The following CRMP1 variants were observed in gnomAD, a reference collection of about 807,000 sequenced individuals.
The protein encoded by CRMP1 is collapsin response mediator protein 1.
In CRMP1, 19 loss-of-function variants were observed where a neutral mutation model predicts 68.3. That is an observed-to-expected ratio of 0.28 (90% confidence interval 0.19 to 0.41). CRMP1 has a LOEUF of 0.41. Ranked by LOEUF, CRMP1 falls within the 10% of genes least tolerant of loss-of-function variation. The pLI is 1.00. For missense variants in CRMP1, 791 were observed against 967.4 expected (o/e 0.82, Z 2.42); for synonymous variants, 439 against 399.6 (o/e 1.10, Z -1.18).
intron 2 of CRMP1, among the ~76,000 whole-genome samples, chr4:5,862,724 G>A (rs1257462703): frequency 2.0e-5 from 3 of 152,234 alleles, no homozygotes; most frequent in Admixed American, 6.5e-5. Context: ...CTACACGTGA[G>A]TGTCAGCGGA....
Position 5,889,670 on chromosome 4 carries a change from C to T in CRMP1, c.381+2919G>A. 6.5e-7 allele frequency: 1 copy of T among 1,536,164 alleles called. No individual in the cohort carries two copies. The highest frequency in any genetic ancestry group is 2.0e-5 in the Admixed American group (1 of 51,014). ...TCATTTTCTGCATGCGAAATCCAAC[C>T]CCACAGGTCCTATGAAACTACTCAT... On this transcript the variant is annotated intron_variant, in intron 1 of 13. Coordinates refer to ENST00000324989, the MANE Select transcript of CRMP1 (RefSeq NM_001014809.3). The surrounding 1 kb of genome is among the most constrained non-coding windows in gnomAD (Gnocchi z 4.5).
At chr4:5,824,990 T>G in intron 13 of CRMP1, 1 of 985,434 alleles carries the variant, frequency 1.0e-6, no homozygotes, top group Non-Finnish European at 1.2e-6. Flanking sequence ...TTCTTGGGGC[T>G]TCCGTTTCCT....
rs1449314259 is a variant in CRMP1, at chr4:5,891,411, G to A, written c.381+1178C>T. ...TCTGCTTCCCTCCAGGCTCACTTTGGGTCACTCATAGCATTTAAGAGGGGA... is the reference window on the plus strand; with the variant it reads ...TCTGCTTCCCTCCAGGCTCACTTTGAGTCACTCATAGCATTTAAGAGGGGA... On this transcript the variant is annotated intron_variant, in intron 1 of 13. Coordinates refer to ENST00000324989, the MANE Select transcript of CRMP1 (RefSeq NM_001014809.3). The surrounding 1 kb of genome is among the most constrained non-coding windows in gnomAD (Gnocchi z 5.2). Among the ~76,000 whole-genome samples the A allele has an allele frequency of 6.6e-6, 1 of 152,084 alleles. No individual in the cohort carries two copies. Among genetic ancestry groups the A allele is most frequent in the Non-Finnish European group, 1.5e-5 (1 of 68,036 alleles).
In CRMP1 at chr4:5,860,876, A is replaced by G. The variant is rs1196324566; in HGVS notation, c.655+150T>C. 2.7e-6 allele frequency: 2 copies of G among 747,438 alleles called. No individual in the cohort carries two copies. The highest frequency in any genetic ancestry group is 1.8e-5 in the African/African-American group (1 of 56,428). 46.3% of individuals were successfully genotyped at this position (747,438 alleles called of 1,614,324 possible). A position where few individuals can be genotyped will look rare whatever the true frequency, so the allele number is the denominator to read the frequency against. On this transcript the variant is annotated intron_variant, in intron 3 of 13. Coordinates refer to ENST00000324989, the MANE Select transcript of CRMP1 (RefSeq NM_001014809.3). This position sits in a 1 kb window ranked among gnomAD's most constrained non-coding sequence, Gnocchi z 4.2. ...TGGCACACACGGTATGCTCTGTAAA[A>G]CAGTGACCTGTGTCATAGGGCTGGG...
chr4:5,888,628 CCCCGCCCCCCA>C lies in CRMP1; in HGVS notation c.381+3950_381+3960del. The C allele has an allele frequency of 1.3e-6, 1 of 744,014 alleles. No individual in the cohort carries two copies. The highest frequency in any genetic ancestry group is 6.2e-5 in the South Asian group (1 of 16,254). 46.1% of individuals were successfully genotyped at this position (744,014 alleles called of 1,614,324 possible). A position where few individuals can be genotyped will look rare whatever the true frequency, so the allele number is the denominator to read the frequency against. ...TTCCCTTCCGATCTCCCACCCCGCC[CCCCGCCCCCCA>C]CCCGCCCAGCCCCGCCGACCCCCGC... is the stretch of plus-strand genomic sequence containing the variant. On this transcript the variant is annotated intron_variant, in intron 1 of 13. Coordinates refer to ENST00000324989, the MANE Select transcript of CRMP1 (RefSeq NM_001014809.3). This position sits in a 1 kb window ranked among gnomAD's most constrained non-coding sequence, Gnocchi z 6.4.
In CRMP1 at chr4:5,872,778, C is replaced by T. The variant is rs944142038; in HGVS notation, c.382-6022G>A. Reference sequence around the variant, plus strand: ...TAACAGCTGAATTGATTAGCTAGGGCATGTCAGAGATACAGTTCGTTCCAC... The same window carrying T: ...TAACAGCTGAATTGATTAGCTAGGGTATGTCAGAGATACAGTTCGTTCCAC... On this transcript the variant is annotated intron_variant, in intron 1 of 13. Transcript: ENST00000324989. This position sits in a 1 kb window ranked among gnomAD's most constrained non-coding sequence, Gnocchi z 4.6. 6.6e-6 allele frequency among the ~76,000 whole-genome samples: 1 copy of T among 152,224 alleles called. No individual in the cohort carries two copies. The highest frequency in any genetic ancestry group is 2.4e-5 in the African/African-American group (1 of 41,452).
Position 5,855,347 on chromosome 4 carries a change from AC to A in CRMP1, c.820+795del. Among the ~76,000 whole-genome samples, 1 of 152,338 alleles carries A rather than the reference AC, an allele frequency of 6.6e-6. No individual in the cohort carries two copies. The highest frequency in any genetic ancestry group is 2.1e-4 in the South Asian group (1 of 4,826). ...AACACACCCTCGCTCTCCTTGAAGC[AC>A]CACCATTTGAGGCTGCCTCCTCAGA... is the stretch of plus-strand genomic sequence containing the variant. On this transcript the variant is annotated intron_variant, in intron 4 of 13. Coordinates refer to ENST00000324989, the MANE Select transcript of CRMP1 (RefSeq NM_001014809.3). This position sits in a 1 kb window ranked among gnomAD's most constrained non-coding sequence, Gnocchi z 4.9.
Position 5,860,947 on chromosome 4 carries a change from C to T in CRMP1, c.655+79G>A. ...CACCCTGGGCAGAGAGCCTCGAACA[C>T]ACTGAGCACTTGTGATGCTGGTGAT... On this transcript the variant is annotated intron_variant, in intron 3 of 13. Transcript: ENST00000324989. The surrounding 1 kb of genome is among the most constrained non-coding windows in gnomAD (Gnocchi z 4.2). 1 of 1,452,864 alleles carries T rather than the reference C, an allele frequency of 6.9e-7. No homozygotes were observed. The highest frequency in any genetic ancestry group is 1.4e-5 in the African/African-American group (1 of 71,844). The allele number at this position is 1,452,864 out of a possible 1,614,324, so 90.0% of individuals were successfully genotyped here.
At chr4:5,882,696 TAGTC>T (rs1317559135) in intron 1 of CRMP1, among the ~76,000 whole-genome samples, 1 of 152,240 alleles carries the variant, frequency 6.6e-6, no homozygotes, top group African/African-American at 2.4e-5. Flanking sequence ...CAAAGCCAGA[TAGTC>T]TGAGTTCAGA....
At chr4:5,875,976 C>T (rs1159275647) in intron 1 of CRMP1, among the ~76,000 whole-genome samples, 1 of 151,968 alleles carries the variant, frequency 6.6e-6, no homozygotes, top group Non-Finnish European at 1.5e-5. Flanking sequence ...CACAGTGAAA[C>T]CCCGTCTCTA....
At position 5,841,199 on chromosome 4, in the gene CRMP1, T is replaced by TC. The variant is rs1711697316; in HGVS notation, c.1153+108dup. ...GTCAGGAGCATCCCCGCTCCACCCC[T>TC]CCCTCCTCCGGCTGCCTGTCTGAGT... is the stretch of plus-strand genomic sequence containing the variant. On this transcript the variant is annotated intron_variant, in intron 8 of 13. Coordinates refer to ENST00000324989, the MANE Select transcript of CRMP1 (RefSeq NM_001014809.3). The surrounding 1 kb of genome is among the most constrained non-coding windows in gnomAD (Gnocchi z 6.9). 9 of 1,560,028 alleles carry TC rather than the reference T, an allele frequency of 5.8e-6. No homozygotes were observed. The Admixed American group carries it at 1.5e-4, about 26-fold the overall frequency.
At chr4:5,824,034 G>A (rs1457351099) in intron 13 of CRMP1, among the ~76,000 whole-genome samples, 3 of 152,220 alleles carry the variant, frequency 2.0e-5, no homozygotes, top group Admixed American at 2.0e-4. Flanking sequence ...AGGACTAAGA[G>A]TGAAACTGAG....
chr4:5,829,273 C>CAACT (rs1432363308), intron 11 of CRMP1, among the ~76,000 whole-genome samples: 2 of 152,086 alleles, frequency 1.3e-5, no homozygotes, highest in African/African-American at 4.8e-5. Flanking sequence ...CCTGTACCCC[C>CAACT]AACTACTCGG....
rs550836464 is a variant in CRMP1 at position 5,891,302 on chromosome 4, C to A, written c.381+1287G>T. ...ACAGCCCGCCCGCGAAGGGATGGGG[C>A]CCGAAGAGGCCCACCACCGTGTTTA... On this transcript the variant is annotated intron_variant, in intron 1 of 13. Transcript: ENST00000324989. The surrounding 1 kb of genome is among the most constrained non-coding windows in gnomAD (Gnocchi z 5.2). Among the ~76,000 whole-genome samples, 6 of 151,966 alleles carry A rather than the reference C, an allele frequency of 3.9e-5. No individual in the cohort carries two copies. The East Asian group carries it at 9.8e-4, about 25-fold the overall frequency.
chr4:5,892,626 G>T lies in CRMP1; in HGVS notation c.344C>A (p.Ala115Glu). The change falls in exon 1 of 14, where the codon GCG (alanine) becomes GAG (glutamate). Residue 115 changes from alanine (A) to glutamate (E), a missense_variant. Ala to Glu is a moderately radical substitution (Grantham distance 107). Transcript: ENST00000324989. This position sits in a 1 kb window ranked among gnomAD's most constrained non-coding sequence, Gnocchi z 8.6. Reference protein sequence around the residue: ...RPPTLRIRRPAPRDLPLGRDN... With the variant: ...RPPTLRIRRPEPRDLPLGRDN... ...CCGGCCGAGGGGCAGGTCGCGGGGC[G>T]CGGGGCGGCGGATGCGCAGCGTCGG... 8.4e-7 allele frequency: 1 copy of T among 1,191,438 alleles called. No homozygotes were observed. The highest frequency in any genetic ancestry group is 4.0e-5 in the South Asian group (1 of 24,968). The allele number at this position is 1,191,438 out of a possible 1,614,324, so 73.8% of individuals were successfully genotyped here.
rs564761657 is a variant in CRMP1 at position 5,880,861 on chromosome 4, C to G, written c.381+11728G>C. Reference sequence around the variant, plus strand: ...CTCAGCAAGGAAGTCCACAATCTTGCTCCCATTCACTCACTCACACAGTGT... The same window carrying G: ...CTCAGCAAGGAAGTCCACAATCTTGGTCCCATTCACTCACTCACACAGTGT... On this transcript the variant is annotated intron_variant, in intron 1 of 13. Transcript: ENST00000324989. 2.4e-3 allele frequency among the ~76,000 whole-genome samples: 363 copies of G among 152,348 alleles called. 1 individual carries two copies. The highest frequency in any genetic ancestry group is 8.1e-3 in the African/African-American group (338 of 41,576).
At chr4:5,867,643 A>G (rs1192783475) in intron 1 of CRMP1, among the ~76,000 whole-genome samples, 1 of 152,056 alleles carries the variant, frequency 6.6e-6, no homozygotes, top group Non-Finnish European at 1.5e-5. Context: ...ACAGAGCTGG[A>G]ATCTGCTTTC....
chr4:5,887,399 G>A, intron 1 of CRMP1: 2 of 985,668 alleles, frequency 2.0e-6, no homozygotes, highest in Non-Finnish European at 1.2e-6. Flanking sequence ...ATGGGCTCCA[G>A]TGGTCCGCAT....
At chr4:5,833,023 C>T (rs972830084) in intron 11 of CRMP1, among the ~76,000 whole-genome samples, 1 of 152,102 alleles carries the variant, frequency 6.6e-6, no homozygotes, top group Non-Finnish European at 1.5e-5. Context: ...GTAAGGGATG[C>T]CTTACCCGCC....
Sources: gnomAD v4.1 joint callset for allele counts (sites outside exome capture counted in the v4.1 genomes callset) on GRCh38, gnomAD v4.1.1 for gene constraint, Gnocchi (gnomAD v3.1) non-coding constraint, MANE v1.5 for transcripts, NCBI Gene and HGNC (gene_info 2026-07-23, HGNC 2026-07-21) for gene names.